RXFP1: variants seen among roughly 807,000 people sequenced by gnomAD.
RXFP1 encodes the protein relaxin receptor 1.
Under a neutral mutation model 89.8 loss-of-function variants are expected in RXFP1, and 73 were observed. The ratio of observed to expected loss-of-function variants is 0.81; its 90% CI spans 0.67 to 0.99. The LOEUF (loss-of-function observed/expected upper bound fraction) is 0.99. Ranked by LOEUF, RXFP1 falls within the 50% of genes least tolerant of loss-of-function variation. RXFP1 has a pLI of 0.00. For synonymous variants in RXFP1, 277 were observed against 305.5 expected, an observed-to-expected ratio of 0.91 and a Z score of 0.97; for missense variants, 793 against 895.5, an observed-to-expected ratio of 0.89 and a Z score of 1.46.
At chr4:158,610,725 C>T in intron 6 of RXFP1, 1 of 1,288,226 alleles carries the variant, frequency 7.8e-7, no homozygotes, top group Non-Finnish European at 1.0e-6. Flanking sequence ...TGTCTTTTAC[C>T]TGGAGGGTTT....
intron 8 of RXFP1, among the ~76,000 whole-genome samples, chr4:158,615,341 A>G (rs1192080749): frequency 2.6e-5 from 4 of 152,026 alleles, no homozygotes; most frequent in African/African-American, 9.7e-5. Context: ...GTTCAAGACC[A>G]GCCTGACCAA....
At chr4:158,595,440 T>C (rs1760359975) in intron 3 of RXFP1, among the ~76,000 whole-genome samples, 1 of 152,226 alleles carries the variant, frequency 6.6e-6, no homozygotes, top group African/African-American at 2.4e-5. Flanking sequence ...TTCCTGGTCA[T>C]ATCCTTTTCG....
intron 1 of RXFP1, among the ~76,000 whole-genome samples, chr4:158,555,520 GA>G (rs1276778313): frequency 6.6e-6 from 1 of 152,176 alleles, no homozygotes; most frequent in Non-Finnish European, 1.5e-5. Context: ...ATGTCAAAGA[GA>G]AAGGTGCAAT....
At chr4:158,566,994 G>A (rs535829245) in intron 1 of RXFP1, among the ~76,000 whole-genome samples, 50 of 152,328 alleles carry the variant, frequency 3.3e-4, no homozygotes, top group South Asian at 1.0e-3. Flanking sequence ...GCAGGCCAGC[G>A]CCAGTTCCGG....
chr4:158,594,089 C>A (rs1407048352), intron 3 of RXFP1, among the ~76,000 whole-genome samples: 1 of 152,166 alleles, frequency 6.6e-6, no homozygotes, highest in Admixed American at 6.5e-5. Context: ...ATACATTATG[C>A]AAATGTAAAT....
intron 1 of RXFP1, among the ~76,000 whole-genome samples, chr4:158,557,053 T>A (rs1751464779): frequency 6.6e-6 from 1 of 152,110 alleles, no homozygotes; most frequent in African/African-American, 2.4e-5. Flanking sequence ...TTATACATTA[T>A]GAAATAGCCA....
At chr4:158,595,637 T>A (rs1760402739) in intron 3 of RXFP1, among the ~76,000 whole-genome samples, 1 of 152,210 alleles carries the variant, frequency 6.6e-6, no homozygotes, top group South Asian at 2.1e-4. Context: ...TTTGCTATAT[T>A]TTTTTCTTCA....
intron 8 of RXFP1, among the ~76,000 whole-genome samples, chr4:158,613,351 T>C (rs1378006490): frequency 6.6e-6 from 1 of 152,254 alleles, no homozygotes; most frequent in African/African-American, 2.4e-5. Context: ...GATTTCTCTA[T>C]GGTATGCAAT....
chr4:158,647,844 C>T (rs191210247), intron 16 of RXFP1, among the ~76,000 whole-genome samples: 57 of 152,224 alleles, frequency 3.7e-4, no homozygotes, highest in Non-Finnish European at 2.8e-4. Context: ...GGTAAAACCC[C>T]ATCTCTACTA....
At chr4:158,622,243 G>A (rs546807387) in intron 9 of RXFP1, among the ~76,000 whole-genome samples, 1 of 152,000 alleles carries the variant, frequency 6.6e-6, no homozygotes, top group Non-Finnish European at 1.5e-5. Context: ...CCCGGGAGGC[G>A]GAGGTTGCAG....
rs117418007 is a variant in RXFP1, at chr4:158,568,203, C to T, written c.50-4495C>T. ...CATCAGAACTCTAGACTCGCTGCTT[C>T]TAAGAACTGTTAACACTCAACGCGA... is the stretch of plus-strand genomic sequence containing the variant. On this transcript the variant is annotated intron_variant, in intron 1 of 17. Transcript: ENST00000307765. Among the ~76,000 whole-genome samples the T allele has an allele frequency of 2.3e-3, 355 of 152,336 alleles. 13 individuals carry two copies. The East Asian group carries it at 0.058, about 25-fold the overall frequency.
chr4:158,574,920 T>C (rs1390947847), intron 2 of RXFP1, among the ~76,000 whole-genome samples: 3 of 152,190 alleles, frequency 2.0e-5, no homozygotes, highest in African/African-American at 7.2e-5. Context: ...TTAAAATAAA[T>C]TAATATTACA....
chr4:158,532,540 T>G (rs1191233319), intron 1 of RXFP1, among the ~76,000 whole-genome samples: 1 of 152,126 alleles, frequency 6.6e-6, no homozygotes, highest in African/African-American at 2.4e-5. Context: ...ACATCAAAAT[T>G]GAGGAGGCAG....
At chr4:158,641,583 T>C (rs554077273) in intron 14 of RXFP1, among the ~76,000 whole-genome samples, 3 of 152,314 alleles carry the variant, frequency 2.0e-5, no homozygotes, top group African/African-American at 7.2e-5. Context: ...TCCTTCATGG[T>C]TTACAGAATA....
chr4:158,596,002 A>T (rs905063834), intron 3 of RXFP1, among the ~76,000 whole-genome samples: 3 of 147,514 alleles, frequency 2.0e-5, no homozygotes, highest in African/African-American at 7.8e-5. Flanking sequence ...AAAAAAAAAA[A>T]TTAAAACTTA....
intron 1 of RXFP1, among the ~76,000 whole-genome samples, chr4:158,547,998 G>A (rs959313806): frequency 1.8e-4 from 28 of 152,072 alleles, no homozygotes; most frequent in Non-Finnish European, 3.2e-4. Flanking sequence ...CAATTCCTGG[G>A]TATCCTTGTT....
chr4:158,577,829 A>C (rs1156771021), intron 2 of RXFP1, among the ~76,000 whole-genome samples: 1 of 152,198 alleles, frequency 6.6e-6, no homozygotes, highest in East Asian at 1.9e-4. Flanking sequence ...GTGTTATCGC[A>C]GGCACTTTAA....
chr4:158,584,603 C>T (rs1757953928), intron 2 of RXFP1, among the ~76,000 whole-genome samples: 1 of 152,142 alleles, frequency 6.6e-6, no homozygotes, highest in African/African-American at 2.4e-5. Context: ...TCTGTTCTGG[C>T]CTCTGCTCTG....
intron 2 of RXFP1, among the ~76,000 whole-genome samples, chr4:158,575,248 TAGAC>T (rs1181096818): frequency 6.6e-6 from 1 of 152,136 alleles, no homozygotes; most frequent in East Asian, 1.9e-4. Flanking sequence ...AAAGCACATT[TAGAC>T]AGAGGCAATA....
Sources: gnomAD v4.1 joint callset for allele counts (sites outside exome capture counted in the v4.1 genomes callset) on GRCh38, gnomAD v4.1.1 for gene constraint, MANE v1.5 for transcripts, NCBI Gene and HGNC (gene_info 2026-07-23, HGNC 2026-07-21) for gene names.